The following NELL1 variants were observed in gnomAD, a reference collection of about 807,000 sequenced individuals.
NELL1 encodes neural EGFL like 1.
A neutral mutation model predicts 107.4 loss-of-function variants in NELL1; 76 were observed. That is an observed-to-expected ratio of 0.71 (90% confidence interval 0.59 to 0.86). NELL1 has a LOEUF of 0.86. Among genes scored for constraint, NELL1 ranks in the 40% least tolerant of loss-of-function variants. The pLI is 0.00. For missense variants in NELL1, 1,024 were observed against 1,005.5 expected (o/e 1.02, Z -0.25); for synonymous variants, 353 against 341.2 (o/e 1.03, Z -0.38).
At chr11:20,916,135 A>G (rs1399340778) in intron 5 of NELL1, among the ~76,000 whole-genome samples, 1 of 151,868 alleles carries the variant, frequency 6.6e-6, no homozygotes, top group Non-Finnish European at 1.5e-5. Context: ...TTTCCTTATA[A>G]AAAATACCAA....
At chr11:21,493,233 G>T (rs556625930) in intron 15 of NELL1, among the ~76,000 whole-genome samples, 1 of 151,684 alleles carries the variant, frequency 6.6e-6, no homozygotes, top group Non-Finnish European at 1.5e-5. Context: ...CCCACTACGG[G>T]GTATTTATCC....
chr11:21,169,648 T>C (rs979972445), intron 13 of NELL1: 2 of 446,932 alleles, frequency 4.5e-6, no homozygotes, highest in Non-Finnish European at 7.9e-6. Flanking sequence ...TTAGTATGTT[T>C]AGGCAAACCC....
At chr11:20,711,511 T>G (rs1855113271) in intron 2 of NELL1, among the ~76,000 whole-genome samples, 1 of 152,092 alleles carries the variant, frequency 6.6e-6, no homozygotes, top group Non-Finnish European at 1.5e-5. Flanking sequence ...TCTATTTTGG[T>G]GTATTTTGAG....
intron 11 of NELL1, among the ~76,000 whole-genome samples, chr11:20,955,806 A>G (rs1020334556): frequency 2.6e-5 from 4 of 152,190 alleles, no homozygotes; most frequent in African/African-American, 9.6e-5. Flanking sequence ...AATTCTCCAA[A>G]TATTGTTGGT....
intron 9 of NELL1, among the ~76,000 whole-genome samples, chr11:20,936,569 G>C (rs1185616697): frequency 6.6e-6 from 1 of 152,098 alleles, no homozygotes. Context: ...AACATCGAAG[G>C]GGGTCTAGGT....
chr11:20,744,474 T>TA (rs1174112262), intron 2 of NELL1, among the ~76,000 whole-genome samples: 2 of 152,224 alleles, frequency 1.3e-5, no homozygotes, highest in African/African-American at 4.8e-5. Context: ...TTCTCTCTTT[T>TA]ATAGGACTGC....
intron 2 of NELL1, among the ~76,000 whole-genome samples, chr11:20,692,079 T>G (rs1854482725): frequency 6.6e-6 from 1 of 151,012 alleles, no homozygotes; most frequent in Admixed American, 6.6e-5. Flanking sequence ...CATAGAGGTG[T>G]TTGTAGTATT....
intron 13 of NELL1, among the ~76,000 whole-genome samples, chr11:21,149,196 T>C (rs1405582408): frequency 6.6e-6 from 1 of 152,212 alleles, no homozygotes; most frequent in African/African-American, 2.4e-5. Context: ...GAGTCTTAAA[T>C]CTATATCTTA....
chr11:21,116,440 G>T (rs1056328467), intron 13 of NELL1, among the ~76,000 whole-genome samples: 2 of 151,766 alleles, frequency 1.3e-5, no homozygotes, highest in Non-Finnish European at 2.9e-5. Context: ...TAAATGTATC[G>T]CTCCAGTTCC....
At chr11:21,420,282 CTTAAG>C (rs1324349931) in intron 15 of NELL1, among the ~76,000 whole-genome samples, 3 of 151,974 alleles carry the variant, frequency 2.0e-5, no homozygotes, top group Non-Finnish European at 4.4e-5. Flanking sequence ...TGAGAGAAGA[CTTAAG>C]TTAAACATGG....
intron 14 of NELL1, among the ~76,000 whole-genome samples, chr11:21,343,979 G>A (rs771913427): frequency 1.3e-5 from 2 of 152,154 alleles, no homozygotes; most frequent in Non-Finnish European, 2.9e-5. Context: ...TTTATTTGAA[G>A]TATAATCAGG....
chr11:20,732,650 A>C (rs940186064), intron 2 of NELL1, among the ~76,000 whole-genome samples: 2 of 152,146 alleles, frequency 1.3e-5, no homozygotes, highest in Non-Finnish European at 2.9e-5. Flanking sequence ...GGGGGAAGGC[A>C]TATGAGGCAG....
intron 3 of NELL1, among the ~76,000 whole-genome samples, chr11:20,805,590 G>T (rs950653989): frequency 2.0e-5 from 3 of 152,110 alleles, no homozygotes; most frequent in Non-Finnish European, 4.4e-5. Context: ...TGAGATCTTG[G>T]CTCGCTGCAG....
chr11:21,088,749 G>T (rs893593858), intron 12 of NELL1, among the ~76,000 whole-genome samples: 1 of 152,116 alleles, frequency 6.6e-6, no homozygotes, highest in Non-Finnish European at 1.5e-5. Context: ...GTTATAGAGG[G>T]CAATGTTCAT....
At chr11:21,269,435 T>C (rs1404348044) in intron 14 of NELL1, among the ~76,000 whole-genome samples, 1 of 151,036 alleles carries the variant, frequency 6.6e-6, no homozygotes, top group African/African-American at 2.4e-5. Flanking sequence ...AAGATAAAAA[T>C]TCTTGAAGAA....
rs77398053 is a variant in NELL1 at position 21,498,788 on chromosome 11, C to T, written c.1646-35586C>T. On this transcript the variant is annotated intron_variant, in intron 15 of 19. Transcript: ENST00000357134. Reference sequence around the variant, plus strand: ...CCATTGTAGGAGAGTTGCTTTTCTACATATTTTCACTGCTGCTTGGTGCAG... The same window carrying T: ...CCATTGTAGGAGAGTTGCTTTTCTATATATTTTCACTGCTGCTTGGTGCAG... Among the ~76,000 whole-genome samples the T allele has an allele frequency of 0.016, 2,432 of 152,090 alleles. 187 individuals carry two copies. The East Asian group carries it at 0.26, about 16-fold the overall frequency.
At chr11:21,517,802 T>C (rs1248840453) in intron 15 of NELL1, among the ~76,000 whole-genome samples, 6 of 152,146 alleles carry the variant, frequency 3.9e-5, no homozygotes, top group Non-Finnish European at 8.8e-5. Flanking sequence ...CTCAACAGTC[T>C]TTCTTCTCTA....
At chr11:21,001,436 T>C (rs1230803203) in intron 12 of NELL1, among the ~76,000 whole-genome samples, 1 of 150,994 alleles carries the variant, frequency 6.6e-6, no homozygotes, top group East Asian at 2.0e-4. Flanking sequence ...GATGTCTGAC[T>C]CACCACTTGC....
At chr11:20,820,007 G>A (rs1857715155) in intron 3 of NELL1, among the ~76,000 whole-genome samples, 1 of 152,134 alleles carries the variant, frequency 6.6e-6, no homozygotes, top group South Asian at 2.1e-4. Context: ...AGTGAGATAA[G>A]GTTCTCAATC....
Sources: allele counts gnomAD v4.1 joint callset (sites outside exome capture counted in the v4.1 genomes callset), GRCh38; gene constraint gnomAD v4.1.1; transcripts MANE v1.5; gene names NCBI Gene and HGNC (gene_info 2026-07-23, HGNC 2026-07-21).